Variants in EVC observed in about 807,000 individuals in gnomAD.
The protein encoded by EVC is evC complex member EVC.
A neutral mutation model predicts 118.9 loss-of-function variants in EVC; 116 were observed. The observed-to-expected ratio is 0.98, with a 90% CI of 0.84 to 1.14. The LOEUF is 1.14. Ranked by LOEUF, EVC falls within the 50% of genes most tolerant of loss-of-function variation. The pLI is 0.00. For synonymous variants in EVC, 619 were observed against 534.7 expected (o/e 1.16, Z -2.18); for missense variants, 1,401 against 1,246.4 (o/e 1.12, Z -1.87).
intron 5 of EVC, among the ~76,000 whole-genome samples, chr4:5,739,899 C>CAAAAA (rs11343689): frequency 2.5e-5 from 3 of 120,572 alleles, no homozygotes; most frequent in Non-Finnish European, 3.4e-5. Context: ...AACCCCATCT[C>CAAAAA]AAAAAAAAAA....
In EVC at chr4:5,809,559, C is replaced by T. The variant is rs2152391957; in HGVS notation, c.2730C>T (p.Ala910=). Residue 910 remains alanine, a synonymous_variant, in exon 19 of 21, where the codon GCC becomes GCT. Transcript: ENST00000264956. ...QNFISELAAL[A]RVPLAESKLL... The stretch of plus-strand genomic sequence containing the variant: ...TCATCTCCGAGCTGGCAGCCTTGGC[C>T]CGAGTGCCCCTTGCTGAAAGCAAAC... The T allele has an allele frequency of 6.2e-7, 1 of 1,614,180 alleles. No individual in the cohort carries two copies. The highest frequency in any genetic ancestry group is 2.2e-5 in the East Asian group (1 of 44,870).
At chr4:5,799,455 T>C (rs1406733276) in intron 15 of EVC, among the ~76,000 whole-genome samples, 2 of 152,142 alleles carry the variant, frequency 1.3e-5, no homozygotes, top group African/African-American at 4.8e-5. Flanking sequence ...AGGCCTACGA[T>C]TGGGCAAATG....
intron 6 of EVC, among the ~76,000 whole-genome samples, chr4:5,744,084 C>T (rs1261269747): frequency 2.0e-5 from 3 of 152,140 alleles, no homozygotes; most frequent in Admixed American, 2.0e-4. Context: ...ATAGGCTAGC[C>T]AAGTGATTTA....
At chr4:5,752,658 C>A (rs559595778) in intron 8 of EVC, 178 bp from the exon 9 acceptor site, 1 of 707,276 alleles carries the variant, frequency 1.4e-6, no homozygotes, top group South Asian at 1.7e-5. Flanking sequence ...ATCCCCACCT[C>A]GGGGGCAGAC....
chr4:5,827,644 G>A, the EVC span, among the ~76,000 whole-genome samples: 3 of 151,452 alleles, frequency 2.0e-5, no homozygotes, highest in East Asian at 1.9e-4. Flanking sequence ...TCCAACACAC[G>A]CACACACATC....
In EVC at chr4:5,811,520, G is replaced by T; in HGVS notation, c.*483G>T. Reference sequence around the variant, plus strand: ...CAACCCTCACTTCACCTGGGGAGGGGCTTCTTCCGGACAGTAGACACCCTG... The same window carrying T: ...CAACCCTCACTTCACCTGGGGAGGGTCTTCTTCCGGACAGTAGACACCCTG... On this transcript the variant is annotated 3_prime_UTR_variant, in exon 21 of 21. Transcript: ENST00000264956. The T allele has an allele frequency of 4.9e-6, 1 of 203,294 alleles. No homozygotes were observed. Among genetic ancestry groups the T allele is most frequent in the Non-Finnish European group, 1.0e-5 (1 of 99,688 alleles). 12.6% of individuals were successfully genotyped at this position (203,294 alleles called of 1,614,324 possible). A position where few individuals can be genotyped will look rare whatever the true frequency, so the allele number is the denominator to read the frequency against.
chr4:5,752,722 C>G, intron 8 of EVC, 114 bp from the exon 9 acceptor site: 2 of 1,075,152 alleles, frequency 1.9e-6, no homozygotes, highest in South Asian at 2.6e-5. Flanking sequence ...GCTCCGCTCT[C>G]CCAGGCAGTG....
Position 5,767,564 on chromosome 4 carries a change from T to C in EVC, c.1563+11202T>C, listed in dbSNP as rs982730346. 2.1e-4 allele frequency among the ~76,000 whole-genome samples: 32 copies of C among 151,142 alleles called. 1 individual carries two copies. Among genetic ancestry groups the C allele is most frequent in the African/African-American group, 7.8e-4 (32 of 41,144 alleles). On this transcript the variant is annotated intron_variant, in intron 11 of 20. Coordinates refer to ENST00000264956, the MANE Select transcript of EVC (RefSeq NM_153717.3). ...AGCAATCAGCGAGACTCCTTGGGCATAGGACCCTCCGAGCCACGTGTGGGA... is the reference window on the plus strand; with the variant it reads ...AGCAATCAGCGAGACTCCTTGGGCACAGGACCCTCCGAGCCACGTGTGGGA...
downstream of EVC, among the ~76,000 whole-genome samples, chr4:5,817,593 T>G (rs1002097280): frequency 5.3e-5 from 8 of 152,206 alleles, no homozygotes; most frequent in African/African-American, 1.9e-4. Flanking sequence ...CCCCTTTTGC[T>G]TAGGAAACTT....
chr4:5,820,195 C>G, the EVC span, among the ~76,000 whole-genome samples: 19,543 of 152,132 alleles, frequency 0.13, 1,876 homozygotes, highest in African/African-American at 0.27. Context: ...CATATAGCAA[C>G]TGCTATACAG....
chr4:5,796,932 C>T lies in EVC; in HGVS notation c.1887-90C>T, dbSNP rs111250893. On this transcript the variant is annotated intron_variant, in intron 13 of 20. Coordinates refer to ENST00000264956, the MANE Select transcript of EVC (RefSeq NM_153717.3). ...CCAACCTGCTTCCTTTTGGAGGGGCCTCTTGTGGGCTGTGGCTGTTTGGGG... is the reference window on the plus strand; with the variant it reads ...CCAACCTGCTTCCTTTTGGAGGGGCTTCTTGTGGGCTGTGGCTGTTTGGGG... 4,598 of 984,868 alleles carry T rather than the reference C, an allele frequency of 4.7e-3. 126 individuals carry two copies. The African/African-American group carries it at 0.06, about 13-fold the overall frequency. The allele number at this position is 984,868 out of a possible 1,614,324, so 61.0% of individuals were successfully genotyped here.
intron 7 of EVC, among the ~76,000 whole-genome samples, chr4:5,747,522 T>C (rs917836931): frequency 6.6e-6 from 1 of 152,174 alleles, no homozygotes; most frequent in Non-Finnish European, 1.5e-5. Flanking sequence ...CTGTGGGCCA[T>C]GAGGGAAAGT....
chr4:5,731,704 G>C lies in EVC; in HGVS notation c.617+47G>C. 2 of 1,536,670 alleles carry C rather than the reference G, an allele frequency of 1.3e-6. No individual in the cohort carries two copies. The highest frequency in any genetic ancestry group is 1.8e-6 in the Non-Finnish European group (2 of 1,120,990). ...GGATGAGGCTTCCAGTCCTCTTGGA[G>C]TGGGCCGGGAGTCACATCATTGTCA... On this transcript the variant is annotated intron_variant, in intron 4 of 20. Transcript: ENST00000264956. The surrounding 1 kb of genome is among the most constrained non-coding windows in gnomAD (Gnocchi z 5.6).
the EVC span, among the ~76,000 whole-genome samples, chr4:5,819,363 T>C: frequency 6.6e-6 from 1 of 152,148 alleles, no homozygotes; most frequent in African/African-American, 2.4e-5. Flanking sequence ...TGAGAAACTC[T>C]CTCTCCCTCC....
At position 5,711,656 on chromosome 4, in the gene EVC, G is replaced by A. The variant is rs527614803; in HGVS notation, c.174+102G>A. 94 of 947,848 alleles carry A rather than the reference G, an allele frequency of 9.9e-5. No individual in the cohort carries two copies. The African/African-American group carries it at 1.6e-3, about 16-fold the overall frequency. 58.7% of individuals were successfully genotyped at this position (947,848 alleles called of 1,614,324 possible). A position where few individuals can be genotyped will look rare whatever the true frequency, so the allele number is the denominator to read the frequency against. On this transcript the variant is annotated intron_variant, in intron 1 of 20. Transcript: ENST00000264956. ...CCGGCTCTGCGACTCCTTGAGCCTGGTTGGGAACTTCGCACGCAACCGCTT... is the reference window on the plus strand; with the variant it reads ...CCGGCTCTGCGACTCCTTGAGCCTGATTGGGAACTTCGCACGCAACCGCTT...
intron 17 of EVC, among the ~76,000 whole-genome samples, chr4:5,805,768 A>C (rs1003798798): frequency 6.6e-6 from 1 of 152,168 alleles, no homozygotes; most frequent in East Asian, 1.9e-4. Context: ...ATGGAAGAGG[A>C]AAAGGAAGCC....
At chr4:5,775,662 C>G (rs1734615241) in intron 11 of EVC, among the ~76,000 whole-genome samples, 1 of 152,116 alleles carries the variant, frequency 6.6e-6, no homozygotes, top group Non-Finnish European at 1.5e-5. Context: ...AAATACACTG[C>G]CATACATTTA....
intron 2 of EVC, among the ~76,000 whole-genome samples, chr4:5,723,467 G>A (rs1002194553): frequency 6.6e-6 from 1 of 152,136 alleles, no homozygotes; most frequent in Non-Finnish European, 1.5e-5. Flanking sequence ...GGGATTACAG[G>A]TGTGAGCCAC....
At chr4:5,730,918 CA>C (rs55722307) in intron 3 of EVC, among the ~76,000 whole-genome samples, 22,469 of 89,478 alleles carry the variant, frequency 0.25, 1,936 homozygotes, top group African/African-American at 0.39. Context: ...GCGTGGTGTG[CA>C]TGGTGTGCAT....
Sources: gnomAD v4.1 joint callset for allele counts (sites outside exome capture counted in the v4.1 genomes callset) on GRCh38, gnomAD v4.1.1 for gene constraint, Gnocchi (gnomAD v3.1) non-coding constraint, MANE v1.5 for transcripts, NCBI Gene and HGNC (gene_info 2026-07-23, HGNC 2026-07-21) for gene names.